Variants in NPM3 observed in about 807,000 individuals in gnomAD.
NPM3 encodes nucleoplasmin-3.
NPM3 carries 12 observed loss-of-function variants against 18.1 expected under a neutral mutation model. The observed-to-expected ratio is 0.66, with a 90% CI of 0.42 to 1.07. The LOEUF is 1.07. Ranked by LOEUF, NPM3 falls within the 50% of genes least tolerant of loss-of-function variation. The pLI, the probability that NPM3 is intolerant of heterozygous loss-of-function variation, is 0.00. For missense variants in NPM3, 274 were observed against 232.1 expected (o/e 1.18, Z -1.17); for synonymous variants, 116 against 93.7 (o/e 1.24, Z -1.38).
chr10:101,781,839 T>C, exon 5 of NPM3: 1 of 1,614,108 alleles, frequency 6.2e-7, no homozygotes, highest in Non-Finnish European at 8.5e-7. Flanking sequence ...CTCAGAAACA[T>C]CATTGCTCAT....
chr10:101,781,467 G>A lies in NPM3; in HGVS notation c.*175C>T, dbSNP rs558613313. 337 of 457,460 alleles carry A rather than the reference G, an allele frequency of 7.4e-4. 6 individuals are homozygous for A. The South Asian group carries it at 0.013, about 18-fold the overall frequency. The allele number at this position is 457,460 out of a possible 1,614,324, so 28.3% of individuals were successfully genotyped here. A position where few individuals can be genotyped will look rare whatever the true frequency, so the allele number is the denominator to read the frequency against. ...GAGGCCCCGGGCATGGTGAAAATCA[G>A]AAAACCACGGCTGTGTGGAGCACAG... On this transcript the variant is annotated 3_prime_UTR_variant, in exon 6 of 6. Coordinates refer to ENST00000370110, the Ensembl canonical transcript of NPM3.
rs781411854 is a variant in NPM3 at position 101,783,385 on chromosome 10, G to C, written c.6C>G (p.Ala2=). The change falls in exon 1 of 6, where the codon GCC becomes GCG. Residue 2 remains alanine (A), a synonymous_variant. Transcript: ENST00000370110. ...ACGCTAAGGCAGCTGCAGTACCGGC[G>C]GCCATGCTGTAAGAGCCTTCTTCAA... 3.7e-6 allele frequency: 6 copies of C among 1,606,230 alleles called. No homozygotes were observed. The African/African-American group carries it at 5.4e-5, about 14-fold the overall frequency.
Position 101,782,512 on chromosome 10 carries a change from G to A in NPM3, c.290C>T (p.Pro97Leu), listed in dbSNP as rs151099007. 6.8e-6 allele frequency: 11 copies of A among 1,613,548 alleles called. No individual in the cohort carries two copies. The highest frequency in any genetic ancestry group is 5.3e-5 in the African/African-American group (4 of 74,888). ...GCAGGACAGCTTGAGGTTGGCCACA[G>A]GGACTGCGATCTCCTGATGGTCATG... Residue 97 changes from proline (P) to leucine (L), a missense_variant, in exon 3 of 6, where the codon CCT (proline) becomes CTT (leucine). Physicochemically the swap from Pro to Leu is moderately conservative, Grantham distance 98. Coordinates refer to ENST00000370110, the Ensembl canonical transcript of NPM3.
At chr10:101,782,322 T>C (rs140744459) in exon 4 of NPM3, 9 of 1,613,608 alleles carry the variant, frequency 5.6e-6, no homozygotes, top group Non-Finnish European at 7.6e-6. Flanking sequence ...AGGTTACAGG[T>C]GGTTGGAGCT....
Position 101,782,984 on chromosome 10 carries a change from G to T in NPM3, c.119-60C>A, listed in dbSNP as rs1231148069. The T allele has an allele frequency of 5.4e-6, 8 of 1,492,932 alleles. 1 individual carries two copies. The South Asian group carries it at 9.3e-5, about 17-fold the overall frequency. 92.5% of individuals were successfully genotyped at this position (1,492,932 alleles called of 1,614,324 possible). ...TGTACGGGGCTGGGCAGCGGGGGATGTCACCAACCCGCCGTCACGTGTAAC... is the reference window on the plus strand; with the variant it reads ...TGTACGGGGCTGGGCAGCGGGGGATTTCACCAACCCGCCGTCACGTGTAAC... On this transcript the variant is annotated intron_variant, in intron 1 of 5. Coordinates refer to ENST00000370110, the Ensembl canonical transcript of NPM3.
intron 1 of NPM3, 85 bp downstream of exon 1, chr10:101,783,188 C>T: frequency 9.3e-7 from 1 of 1,074,790 alleles, no homozygotes; most frequent in Non-Finnish European, 1.4e-6. Flanking sequence ...CCCACACCCA[C>T]GCCTTGAAAC....
intron 4 of NPM3, 95 bp downstream of exon 4, chr10:101,782,163 G>C: frequency 8.8e-7 from 1 of 1,131,248 alleles, no homozygotes; most frequent in Non-Finnish European, 1.3e-6. Context: ...GCTGCACTGG[G>C]AGATGAGGGT....
At chr10:101,781,447 C>T (rs1011692754) in exon 6 of NPM3, 8 of 433,972 alleles carry the variant, frequency 1.8e-5, no homozygotes, top group Non-Finnish European at 3.3e-5. Flanking sequence ...GAAGGGAGGC[C>T]CCGGGCATGG....
At position 101,783,212 on chromosome 10, in the gene NPM3, G is replaced by A. The variant is rs2065157014; in HGVS notation, c.118+61C>T. On this transcript the variant is annotated intron_variant, in intron 1 of 5. Transcript: ENST00000370110. ...ACGCCTTGAAACCCTCCGCATTCCC[G>A]CCTCACATCCCTACCTCTTACCGCC... The A allele has an allele frequency of 3.2e-6, 4 of 1,259,256 alleles. No homozygotes were observed. The African/African-American group carries it at 4.5e-5, about 14-fold the overall frequency. The allele number at this position is 1,259,256 out of a possible 1,614,324, so 78.0% of individuals were successfully genotyped here. A position where few individuals can be genotyped will look rare whatever the true frequency, so the allele number is the denominator to read the frequency against.
chr10:101,781,887 T>A, intron 4 of NPM3, 33 bp from the exon 5 acceptor site: 1 of 1,613,936 alleles, frequency 6.2e-7, no homozygotes, highest in African/African-American at 1.3e-5. Flanking sequence ...AAGGATGGGG[T>A]GTTAAGACCA....
At position 101,782,411 on chromosome 10, in the gene NPM3, A is replaced by C. The variant is rs1191797797; in HGVS notation, c.325-60T>G. 8 of 1,602,574 alleles carry C rather than the reference A, an allele frequency of 5.0e-6. No homozygotes were observed. In the African/African-American group the frequency reaches 8.0e-5, roughly 16 times the overall value. Reference sequence around the variant, plus strand: ...TCCTAGCCCACCCCACACTGTAATGAGTGCTAACGTCCTCAATCCCCTCAC... The same window carrying C: ...TCCTAGCCCACCCCACACTGTAATGCGTGCTAACGTCCTCAATCCCCTCAC... On this transcript the variant is annotated intron_variant, in intron 3 of 5. Coordinates refer to ENST00000370110, the Ensembl canonical transcript of NPM3.
chr10:101,782,044 C>G (rs932599053), intron 4 of NPM3, among the ~76,000 whole-genome samples, 190 bp from the exon 5 acceptor site: 6 of 152,166 alleles, frequency 3.9e-5, no homozygotes, highest in Admixed American at 1.3e-4. Flanking sequence ...ATTATTGGAG[C>G]TGGAGAAGTT....
At chr10:101,782,348 T>C (rs1320548561) in exon 4 of NPM3, 23 of 1,613,618 alleles carry the variant, frequency 1.4e-5, no homozygotes, top group Non-Finnish European at 1.6e-5. Flanking sequence ...TCATCCAGAC[T>C]GAGCTGGGAG....
chr10:101,782,230 A>C lies in NPM3; in HGVS notation c.418+28T>G, dbSNP rs924642918. 4 of 1,585,174 alleles carry C rather than the reference A, an allele frequency of 2.5e-6. No homozygotes were observed. The South Asian group carries it at 3.4e-5, about 13-fold the overall frequency. On this transcript the variant is annotated intron_variant, in intron 4 of 5. Transcript: ENST00000370110. ...CCTGATGGGAGAGTCCACTGGAAGCAAAGGAGAGGGCCCTCCCCTCTTCTC... is the reference window on the plus strand; with the variant it reads ...CCTGATGGGAGAGTCCACTGGAAGCCAAGGAGAGGGCCCTCCCCTCTTCTC...
At chr10:101,783,364 T>A (rs878920027) in exon 1 of NPM3, 1 of 1,612,068 alleles carries the variant, frequency 6.2e-7, no homozygotes, top group South Asian at 1.1e-5. Context: ...TCAAAAACGC[T>A]AAGGCAGCTG....
chr10:101,782,345 GA>G lies in NPM3; in HGVS notation c.330del (p.Leu111TrpfsTer10). 2 of 1,613,840 alleles carry G rather than the reference GA, an allele frequency of 1.2e-6. No homozygotes were observed. The highest frequency in any genetic ancestry group is 2.7e-5 in the African/African-American group (2 of 75,040). On this transcript the variant is annotated frameshift_variant, in exon 4 of 6. Transcript: ENST00000370110. LOFTEE classifies it high-confidence loss of function. ...GGTGGTTGGAGCTGGAAGTCATCCA[GA>G]CTGAGCTGGGAGGAAGACAAGGATG...
At chr10:101,782,634 G>A in intron 2 of NPM3, 37 bp from the exon 3 acceptor site, 1 of 1,612,098 alleles carries the variant, frequency 6.2e-7, no homozygotes. Flanking sequence ...GTCTCCTCAA[G>A]TGAGGGTTGA....
At chr10:101,783,061 AC>A (rs1247340465) in intron 1 of NPM3, 137 bp from the exon 2 acceptor site, 1 of 837,204 alleles carries the variant, frequency 1.2e-6, no homozygotes, top group East Asian at 2.6e-5. Flanking sequence ...CTCTCAGAAC[AC>A]CTGGGACGCT....
intron 4 of NPM3, among the ~76,000 whole-genome samples, 154 bp from the exon 5 acceptor site, chr10:101,782,008 G>T (rs1445452564): frequency 6.6e-6 from 1 of 152,178 alleles, no homozygotes; most frequent in East Asian, 1.9e-4. Flanking sequence ...CCCTAAACTG[G>T]GTCACAAAGA....
Sources: allele counts gnomAD v4.1 joint callset (sites outside exome capture counted in the v4.1 genomes callset), GRCh38; gene constraint gnomAD v4.1.1; transcripts MANE v1.5; gene names NCBI Gene and HGNC (gene_info 2026-07-23, HGNC 2026-07-21).